Variants in UNC5D observed in about 807,000 individuals in gnomAD.
UNC5D encodes the protein unc-5 netrin receptor D.
Under a neutral mutation model 105.4 loss-of-function variants are expected in UNC5D, and 39 were observed. The observed-to-expected ratio is 0.37, with a 90% CI of 0.29 to 0.48. The LOEUF (loss-of-function observed/expected upper bound fraction) is 0.48, where lower values mean the gene tolerates loss of function less well. UNC5D is among the 20% of genes least tolerant of loss of function. UNC5D has a pLI of 0.98. For missense variants in UNC5D, 991 were observed against 1,202.4 expected (o/e 0.82, Z 2.60); for synonymous variants, 452 against 450.4 (o/e 1.00, Z -0.04).
chr8:35,588,899 C>G (rs1818967644), intron 3 of UNC5D, among the ~76,000 whole-genome samples: 1 of 152,034 alleles, frequency 6.6e-6, no homozygotes, highest in Non-Finnish European at 1.5e-5. Context: ...AAAATTTAGC[C>G]AGACGTGGTG....
At chr8:35,497,071 C>A (rs186212488) in intron 1 of UNC5D, among the ~76,000 whole-genome samples, 1 of 152,074 alleles carries the variant, frequency 6.6e-6, no homozygotes, top group East Asian at 1.9e-4. Flanking sequence ...GGAATGAAGA[C>A]CCCAATAAAT....
chr8:35,669,603 T>TA (rs1824644186), intron 4 of UNC5D, among the ~76,000 whole-genome samples: 1 of 152,144 alleles, frequency 6.6e-6, no homozygotes, highest in Non-Finnish European at 1.5e-5. Context: ...CTGCCATTGT[T>TA]ACAGTGTCCC....
intron 4 of UNC5D, among the ~76,000 whole-genome samples, chr8:35,664,903 G>C (rs1181142008): frequency 6.6e-6 from 1 of 151,836 alleles, no homozygotes; most frequent in Non-Finnish European, 1.5e-5. Flanking sequence ...GTTGTGCAGT[G>C]GTTTGATCAT....
intron 4 of UNC5D, among the ~76,000 whole-genome samples, chr8:35,607,180 T>C (rs967430419): frequency 1.3e-5 from 2 of 152,152 alleles, no homozygotes; most frequent in East Asian, 3.9e-4. Context: ...AAAAAAATAT[T>C]TGGGAGAGCT....
At chr8:35,308,835 T>A (rs1808641480) in intron 1 of UNC5D, among the ~76,000 whole-genome samples, 1 of 152,118 alleles carries the variant, frequency 6.6e-6, no homozygotes, top group East Asian at 1.9e-4. Flanking sequence ...TTGCTTGCCA[T>A]GGTAAATTCT....
At chr8:35,329,098 T>G (rs186689096) in intron 1 of UNC5D, among the ~76,000 whole-genome samples, 47 of 152,286 alleles carry the variant, frequency 3.1e-4, no homozygotes, top group African/African-American at 1.0e-3. Flanking sequence ...GTATCTCTTA[T>G]ATATCTAACT....
chr8:35,443,821 T>A, intron 1 of UNC5D, among the ~76,000 whole-genome samples: 1 of 151,974 alleles, frequency 6.6e-6, no homozygotes, highest in East Asian at 1.9e-4. Context: ...CATGGAAGTG[T>A]ATCAAAAGGT....
intron 1 of UNC5D, chr8:35,525,797 CT>C (rs1441477928): frequency 3.8e-5 from 56 of 1,477,460 alleles, no homozygotes; most frequent in Non-Finnish European, 4.9e-5. Context: ...TTTTAACTAA[CT>C]TTTTTGTTTT....
intron 4 of UNC5D, among the ~76,000 whole-genome samples, chr8:35,648,152 CTG>C (rs1372386250): frequency 1.3e-5 from 2 of 152,104 alleles, no homozygotes; most frequent in South Asian, 2.1e-4. Flanking sequence ...CCAAATAAAA[CTG>C]GAAGTAAAAA....
At position 35,585,552 on chromosome 8, in the gene UNC5D, G is replaced by GTGTA. The variant is rs1554566915; in HGVS notation, c.467-10001_467-10000insGTAT. On this transcript the variant is annotated intron_variant, in intron 3 of 16. Coordinates refer to ENST00000404895, the MANE Select transcript of UNC5D (RefSeq NM_080872.4). ...TGTGTGTGTGTGTGTGTGTGTGTGT[G>GTGTA]TATATATGTACATATATATTCATTC... Among the ~76,000 whole-genome samples, 240 of 145,022 alleles carry GTGTA rather than the reference G, an allele frequency of 1.7e-3. 31 individuals carry two copies. The highest frequency in any genetic ancestry group is 5.8e-3 in the African/African-American group (230 of 39,384).
intron 1 of UNC5D, among the ~76,000 whole-genome samples, chr8:35,418,110 AG>A (rs1188472187): frequency 6.6e-6 from 1 of 152,270 alleles, no homozygotes; most frequent in Admixed American, 6.5e-5. Context: ...AAATAGAGAT[AG>A]GGGATTGATT....
chr8:35,531,211 C>T (rs1385339273), intron 1 of UNC5D, among the ~76,000 whole-genome samples: 2 of 94,370 alleles, frequency 2.1e-5, no homozygotes, highest in Non-Finnish European at 4.2e-5. Context: ...CTACACACTG[C>T]TTTGAATGCT....
chr8:35,260,473 A>G (rs1585434905), intron 1 of UNC5D, among the ~76,000 whole-genome samples: 1 of 152,066 alleles, frequency 6.6e-6, no homozygotes, highest in Non-Finnish European at 1.5e-5. Flanking sequence ...GCTTATTATT[A>G]TTGTTGTTGT....
intron 1 of UNC5D, among the ~76,000 whole-genome samples, chr8:35,528,405 T>C (rs867262246): frequency 0.13 from 19,134 of 144,848 alleles, 1,747 homozygotes; most frequent in East Asian, 0.23. Flanking sequence ...CATAGTACTC[T>C]GTGGTGTATA....
chr8:35,679,704 C>G (rs1825528125), intron 4 of UNC5D, among the ~76,000 whole-genome samples: 1 of 152,148 alleles, frequency 6.6e-6, no homozygotes. Context: ...AGAATAGAAG[C>G]CACAGACAGA....
chr8:35,690,014 G>A (rs1158473597), intron 7 of UNC5D, among the ~76,000 whole-genome samples: 1 of 152,126 alleles, frequency 6.6e-6, no homozygotes, highest in East Asian at 1.9e-4. Context: ...AAAGATCTCT[G>A]TTAAATACCC....
intron 4 of UNC5D, among the ~76,000 whole-genome samples, chr8:35,644,513 C>G (rs1488900619): frequency 6.6e-6 from 1 of 152,064 alleles, no homozygotes; most frequent in Non-Finnish European, 1.5e-5. Flanking sequence ...GAATGAAAAG[C>G]TTCTCATCAC....
intron 1 of UNC5D, among the ~76,000 whole-genome samples, chr8:35,385,152 C>A (rs1803306104): frequency 6.6e-6 from 1 of 152,190 alleles, no homozygotes; most frequent in Non-Finnish European, 1.5e-5. Flanking sequence ...TGGGAAAAGT[C>A]TGTTTCATCT....
rs1203635798 is a variant in UNC5D at position 35,380,202 on chromosome 8, AGAGAGAGAGAGAGAGAGAGG to A, written c.103+144333_103+144352del. ...CGGAGAGACAGAGACCGAGAGGGAG[AGAGAGAGAGAGAGAGAGAGG>A]GAGAGAGAGAGAGAGAGTGAGAGAG... On this transcript the variant is annotated intron_variant, in intron 1 of 16. Transcript: ENST00000404895. 2.2e-4 allele frequency among the ~76,000 whole-genome samples: 32 copies of A among 148,082 alleles called. No individual in the cohort carries two copies. The East Asian group carries it at 3.0e-3, about 14-fold the overall frequency.
Sources: gnomAD v4.1 joint callset for allele counts (sites outside exome capture counted in the v4.1 genomes callset) on GRCh38, gnomAD v4.1.1 for gene constraint, MANE v1.5 for transcripts, NCBI Gene and HGNC (gene_info 2026-07-23, HGNC 2026-07-21) for gene names.